Variants in KCTD16 observed in about 807,000 individuals in gnomAD.
KCTD16 encodes the protein BTB/POZ domain-containing protein KCTD16.
KCTD16 carries 13 observed loss-of-function variants against 33.2 expected under a neutral mutation model. The observed-to-expected ratio is 0.39, with a 90% CI of 0.25 to 0.62. The LOEUF (loss-of-function observed/expected upper bound fraction) is 0.62. KCTD16 is among the 20% of genes least tolerant of loss of function. KCTD16 has a pLI of 0.50. For synonymous variants in KCTD16, 197 were observed against 195.3 expected (o/e 1.01, Z -0.07); for missense variants, 441 against 525.1 (o/e 0.84, Z 1.57).
intron 3 of KCTD16, among the ~76,000 whole-genome samples, chr5:144,287,328 G>T (rs1755771861): frequency 1.0e-5 from 1 of 95,994 alleles, no homozygotes; most frequent in South Asian, 2.6e-4. Flanking sequence ...CGGGACACCA[G>T]TTCAAATGCT....
chr5:144,417,949 T>C (rs1446509563), intron 3 of KCTD16, among the ~76,000 whole-genome samples: 1 of 152,110 alleles, frequency 6.6e-6, no homozygotes. Context: ...TTAAAGATGG[T>C]GTGTCCGGAG....
intron 3 of KCTD16, among the ~76,000 whole-genome samples, chr5:144,431,777 C>A (rs1788030886): frequency 6.6e-6 from 1 of 152,088 alleles, no homozygotes; most frequent in Non-Finnish European, 1.5e-5. Flanking sequence ...ATACTATGTA[C>A]AAAATAGATA....
intron 3 of KCTD16, among the ~76,000 whole-genome samples, chr5:144,402,789 T>C (rs1422544748): frequency 6.6e-6 from 1 of 152,158 alleles, no homozygotes; most frequent in Admixed American, 6.5e-5. Context: ...AAATATCTGG[T>C]TTTTAAAATT....
At chr5:144,396,912 T>TCATA (rs1752579241) in intron 3 of KCTD16, among the ~76,000 whole-genome samples, 1 of 141,058 alleles carries the variant, frequency 7.1e-6, no homozygotes, top group South Asian at 2.3e-4. Context: ...ACTTTATTTA[T>TCATA]TATATATATA....
chr5:144,217,119 C>G lies in KCTD16; in HGVS notation c.832+9573C>G, dbSNP rs139350252. ...TGACTTGGAGAAGAGTTTCAGAGTT[C>G]TGAAGCTACCCCAAACAGAGAATGA... On this transcript the variant is annotated intron_variant, in intron 3 of 3. Transcript: ENST00000512467. 3.1e-3 allele frequency among the ~76,000 whole-genome samples: 471 copies of G among 152,294 alleles called. 1 individual carries two copies. The highest frequency in any genetic ancestry group is 4.6e-3 in the Non-Finnish European group (312 of 68,022).
At chr5:144,269,351 A>G (rs1018215611) in intron 3 of KCTD16, among the ~76,000 whole-genome samples, 1 of 152,028 alleles carries the variant, frequency 6.6e-6, no homozygotes, top group East Asian at 1.9e-4. Flanking sequence ...AGAAAGAAGC[A>G]ACTCATTGCA....
chr5:144,369,413 T>C (rs1412797747), intron 3 of KCTD16: 1 of 152,100 alleles, frequency 6.6e-6, no homozygotes, highest in Non-Finnish European at 1.5e-5. Flanking sequence ...GGAATACAAA[T>C]AAGATGAAGT....
rs184223967 is a variant in KCTD16, at chr5:144,206,919, T to A, written c.205T>A (p.Ser69Thr). 1 of 1,614,164 alleles carries A rather than the reference T, an allele frequency of 6.2e-7. No individual in the cohort carries two copies. Among genetic ancestry groups the A allele is most frequent in the East Asian group, 2.2e-5 (1 of 44,876 alleles). Residue 69 changes from serine to threonine, a missense_variant, in exon 3 of 4, where the codon TCC becomes ACC. Physicochemically the swap from Ser to Thr is moderately conservative, Grantham distance 58. Around this residue, in one of 3 missense-constraint regions of KCTD16, gnomAD observed 80 missense variants for 88.5 expected, o/e 0.90. Transcript: ENST00000512467. ...RDTANDLAKD[S>T]KGRFFIDRDG... ...CACGGCTAATGATCTAGCCAAGGACTCCAAGGGAAGGTTTTTCATTGACAG... is the reference window on the plus strand; with the variant it reads ...CACGGCTAATGATCTAGCCAAGGACACCAAGGGAAGGTTTTTCATTGACAG...
At chr5:144,271,237 T>C (rs1384895410) in intron 3 of KCTD16, among the ~76,000 whole-genome samples, 1 of 152,048 alleles carries the variant, frequency 6.6e-6, no homozygotes, top group East Asian at 1.9e-4. Context: ...TAATATCCTT[T>C]ATGAAAATTG....
intron 3 of KCTD16, among the ~76,000 whole-genome samples, chr5:144,223,042 A>C (rs756660360): frequency 3.0e-4 from 45 of 152,172 alleles, no homozygotes; most frequent in Non-Finnish European, 5.3e-4. Context: ...TATCGCAAGG[A>C]CAAAAAAACC....
chr5:144,296,758 T>TA (rs974076016), intron 3 of KCTD16, among the ~76,000 whole-genome samples: 3 of 151,158 alleles, frequency 2.0e-5, no homozygotes, highest in Non-Finnish European at 3.0e-5. Context: ...AAGTCAAGGT[T>TA]AAAAAAAAAT....
intron 3 of KCTD16, among the ~76,000 whole-genome samples, chr5:144,411,910 G>C (rs1752940987): frequency 6.6e-6 from 1 of 151,922 alleles, no homozygotes; most frequent in African/African-American, 2.4e-5. Context: ...GGCCAGCACA[G>C]GTATATATAA....
intron 3 of KCTD16, among the ~76,000 whole-genome samples, chr5:144,404,352 T>G (rs1752767271): frequency 6.6e-6 from 1 of 152,186 alleles, no homozygotes; most frequent in Non-Finnish European, 1.5e-5. Context: ...ATTGATATTA[T>G]TATCATTAAC....
chr5:144,468,828 G>A (rs150611895), intron 3 of KCTD16, among the ~76,000 whole-genome samples: 1 of 152,314 alleles, frequency 6.6e-6, no homozygotes, highest in East Asian at 1.9e-4. Flanking sequence ...AATTTGAAGT[G>A]TGGGTACATT....
intron 3 of KCTD16, among the ~76,000 whole-genome samples, chr5:144,343,310 G>A (rs1034266408): frequency 2.6e-5 from 4 of 151,812 alleles, no homozygotes; most frequent in Non-Finnish European, 4.4e-5. Flanking sequence ...GTCTTGGGAG[G>A]GTGTATGTGT....
At chr5:144,274,834 C>T (rs2126849837) in intron 3 of KCTD16, among the ~76,000 whole-genome samples, 1 of 152,222 alleles carries the variant, frequency 6.6e-6, no homozygotes, top group East Asian at 1.9e-4. Flanking sequence ...TTTAAGGCTC[C>T]CAGATCAGAA....
At chr5:144,280,619 G>T (rs1039736525) in intron 3 of KCTD16, among the ~76,000 whole-genome samples, 1 of 152,134 alleles carries the variant, frequency 6.6e-6, no homozygotes, top group Non-Finnish European at 1.5e-5. Context: ...CTTTTAGTTT[G>T]GTTGGTTTTA....
At position 144,484,556 on chromosome 5, in the gene KCTD16, C is replaced by G. The variant is rs1480655107; in HGVS notation, c.*10442C>G. ...CCTTACACTTTTAAAGTTAAAGACC[C>G]TGTTGATCAGGTTACCTGGAAATTT... On this transcript the variant is annotated 3_prime_UTR_variant, in exon 4 of 4. Coordinates refer to ENST00000512467, the MANE Select transcript of KCTD16 (RefSeq NM_020768.4). 4 of 151,922 alleles carry G rather than the reference C, an allele frequency of 2.6e-5. No homozygotes were observed. The highest frequency in any genetic ancestry group is 4.8e-5 in the African/African-American group (2 of 41,398). 9.4% of individuals were successfully genotyped at this position (151,922 alleles called of 1,614,324 possible). A position where few individuals can be genotyped will look rare whatever the true frequency, so the allele number is the denominator to read the frequency against.
chr5:144,185,837 C>T (rs1444514075), intron 2 of KCTD16, among the ~76,000 whole-genome samples: 1 of 152,008 alleles, frequency 6.6e-6, no homozygotes, highest in African/African-American at 2.4e-5. Flanking sequence ...TTAGTACTTA[C>T]TATATAATAA....
Sources: allele counts gnomAD v4.1 joint callset (sites outside exome capture counted in the v4.1 genomes callset), GRCh38; gene constraint gnomAD v4.1.1; regional missense constraint gnomAD v4.1.1; transcripts MANE v1.5; gene names NCBI Gene and HGNC (gene_info 2026-07-23, HGNC 2026-07-21).